The following RNF13 variants were observed in gnomAD, a reference collection of about 807,000 sequenced individuals.
RNF13 encodes the protein E3 ubiquitin-protein ligase RNF13.
RNF13 carries 19 observed loss-of-function variants against 37.7 expected under a neutral mutation model. The observed-to-expected ratio is 0.50, with a 90% CI of 0.35 to 0.74. RNF13 has a LOEUF of 0.74. RNF13 is among the 30% of genes least tolerant of loss of function. The pLI, the probability that RNF13 is intolerant of heterozygous loss-of-function variation, is 0.01. For synonymous variants in RNF13, 144 were observed against 157.8 expected (o/e 0.91, Z 0.65); for missense variants, 375 against 453.0 (o/e 0.83, Z 1.56).
intron 8 of RNF13, among the ~76,000 whole-genome samples, chr3:149,940,793 AT>A (rs1383437185): frequency 6.6e-6 from 1 of 152,062 alleles, no homozygotes; most frequent in African/African-American, 2.4e-5. Flanking sequence ...AATCTCTAGA[AT>A]TTTTTTCATC....
intron 7 of RNF13, among the ~76,000 whole-genome samples, chr3:149,916,848 C>T (rs1166294492): frequency 6.6e-6 from 1 of 152,034 alleles, no homozygotes; most frequent in Non-Finnish European, 1.5e-5. Context: ...GGTTGTATGG[C>T]TTTTCTTTTT....
chr3:149,886,868 G>A (rs1428080294), intron 4 of RNF13, among the ~76,000 whole-genome samples: 1 of 152,058 alleles, frequency 6.6e-6, no homozygotes, highest in Non-Finnish European at 1.5e-5. Flanking sequence ...TTTTGTTTTT[G>A]CTTTCATTCA....
intron 2 of RNF13, among the ~76,000 whole-genome samples, chr3:149,852,075 G>T (rs1723171558): frequency 6.6e-6 from 1 of 152,150 alleles, no homozygotes; most frequent in Non-Finnish European, 1.5e-5. Context: ...TTAAAAATAT[G>T]ATATGATGCT....
chr3:149,846,457 C>T (rs1722648678), intron 2 of RNF13, among the ~76,000 whole-genome samples: 1 of 152,100 alleles, frequency 6.6e-6, no homozygotes, highest in Non-Finnish European at 1.5e-5. Context: ...CGTGTGCCAC[C>T]ATGCCCGACT....
chr3:149,871,345 T>C (rs1251882347), intron 3 of RNF13, among the ~76,000 whole-genome samples: 1 of 151,212 alleles, frequency 6.6e-6, no homozygotes. Flanking sequence ...ACCAGCCTGT[T>C]ACTACATTTT....
chr3:149,873,985 G>A (rs1290068868), intron 4 of RNF13, among the ~76,000 whole-genome samples: 3 of 152,100 alleles, frequency 2.0e-5, no homozygotes, highest in Non-Finnish European at 4.4e-5. Flanking sequence ...TTGCTTATGT[G>A]TCTAATATAT....
intron 4 of RNF13, among the ~76,000 whole-genome samples, chr3:149,893,320 G>A (rs1307070934): frequency 6.6e-6 from 1 of 152,170 alleles, no homozygotes; most frequent in African/African-American, 2.4e-5. Flanking sequence ...ATGACTATGT[G>A]CTTTGGTTGG....
chr3:149,838,451 A>G (rs983320077), intron 1 of RNF13, among the ~76,000 whole-genome samples: 1 of 152,232 alleles, frequency 6.6e-6, no homozygotes, highest in African/African-American at 2.4e-5. Context: ...AGGCATTTCC[A>G]TACAGATTCT....
intron 3 of RNF13, among the ~76,000 whole-genome samples, chr3:149,856,131 A>AT (rs1723622968): frequency 6.6e-6 from 1 of 152,178 alleles, no homozygotes; most frequent in Admixed American, 6.5e-5. Flanking sequence ...AAAAAAAAAA[A>AT]ACGGTGTTAG....
At chr3:149,956,759 C>A (rs1163259179) in intron 8 of RNF13, among the ~76,000 whole-genome samples, 1 of 152,164 alleles carries the variant, frequency 6.6e-6, no homozygotes, top group African/African-American at 2.4e-5. Flanking sequence ...GACATCTTAT[C>A]CACTAGTGAA....
At chr3:149,854,628 A>G (rs1576768170) in intron 3 of RNF13, among the ~76,000 whole-genome samples, 1 of 152,154 alleles carries the variant, frequency 6.6e-6, no homozygotes. Flanking sequence ...ACCCAGAACC[A>G]CCTTGCAGGA....
chr3:149,838,405 G>C (rs1000988424), intron 1 of RNF13, among the ~76,000 whole-genome samples: 1 of 152,204 alleles, frequency 6.6e-6, no homozygotes, highest in Non-Finnish European at 1.5e-5. Context: ...CTCCATGAGG[G>C]CTCTGCCCCT....
At chr3:149,919,482 T>C (rs941258956) in intron 7 of RNF13, among the ~76,000 whole-genome samples, 1 of 152,196 alleles carries the variant, frequency 6.6e-6, no homozygotes, top group African/African-American at 2.4e-5. Flanking sequence ...TACAGCTTTA[T>C]ATAAATGGAA....
At chr3:149,860,270 A>AAAAAAAAT (rs1302318768) in intron 3 of RNF13, among the ~76,000 whole-genome samples, 4 of 104,116 alleles carry the variant, frequency 3.8e-5, no homozygotes, top group African/African-American at 1.7e-4. Context: ...AAAAAAAAAA[A>AAAAAAAAT]ATATATATAT....
At chr3:149,861,414 T>C (rs1471170249) in intron 3 of RNF13, among the ~76,000 whole-genome samples, 1 of 152,062 alleles carries the variant, frequency 6.6e-6, no homozygotes, top group African/African-American at 2.4e-5. Flanking sequence ...TTAAAAAAAG[T>C]ATATATATGG....
chr3:149,894,877 C>G (rs954680000), intron 4 of RNF13, among the ~76,000 whole-genome samples: 7 of 151,972 alleles, frequency 4.6e-5, no homozygotes, highest in African/African-American at 1.7e-4. Context: ...TTGACACTTT[C>G]CAGATCTTTC....
At chr3:149,921,906 A>C (rs1718162684) in intron 8 of RNF13, among the ~76,000 whole-genome samples, 1 of 152,142 alleles carries the variant, frequency 6.6e-6, no homozygotes, top group Non-Finnish European at 1.5e-5. Context: ...ACTAATTTAC[A>C]TACCCACCAA....
chr3:149,869,325 G>A (rs57669650), intron 3 of RNF13, among the ~76,000 whole-genome samples: 4,094 of 151,932 alleles, frequency 0.027, 132 homozygotes, highest in South Asian at 0.036. Flanking sequence ...CACATATTAG[G>A]CCGGGCGCGG....
At chr3:149,939,464 C>T (rs1339293076) in intron 8 of RNF13, 9 of 561,746 alleles carry the variant, frequency 1.6e-5, no homozygotes, top group Non-Finnish European at 2.8e-5. Context: ...AAGTGCTGTC[C>T]ACTAATATGC....
Sources: allele counts gnomAD v4.1 joint callset (sites outside exome capture counted in the v4.1 genomes callset), GRCh38; gene constraint gnomAD v4.1.1; transcripts MANE v1.5; gene names NCBI Gene and HGNC (gene_info 2026-07-23, HGNC 2026-07-21).